GLCCI1: variants seen among roughly 807,000 people sequenced by gnomAD.
GLCCI1 encodes the protein glucocorticoid-induced transcript 1 protein.
GLCCI1 carries 24 observed loss-of-function variants against 52.2 expected under a neutral mutation model. The observed-to-expected ratio is 0.46, with a 90% CI of 0.33 to 0.65. The LOEUF is 0.65. GLCCI1 is among the 30% of genes least tolerant of loss of function. The pLI is 0.02. For synonymous variants in GLCCI1, 310 were observed against 276.5 expected (o/e 1.12, Z -1.20); for missense variants, 704 against 701.5 (o/e 1.00, Z -0.04).
At chr7:7,999,197 A>G (rs1462985348) in intron 1 of GLCCI1, among the ~76,000 whole-genome samples, 1 of 152,094 alleles carries the variant, frequency 6.6e-6, no homozygotes, top group Non-Finnish European at 1.5e-5. Context: ...GATTAAAAAT[A>G]TAATAAAAGA....
chr7:8,000,526 G>C (rs1344722092), intron 1 of GLCCI1, among the ~76,000 whole-genome samples: 1 of 152,002 alleles, frequency 6.6e-6, no homozygotes, highest in African/African-American at 2.4e-5. Context: ...ATAAATATAA[G>C]TGGGATAAGC....
At chr7:8,077,962 C>G (rs574112973) in intron 6 of GLCCI1, among the ~76,000 whole-genome samples, 1 of 151,846 alleles carries the variant, frequency 6.6e-6, no homozygotes, top group Non-Finnish European at 1.5e-5. Context: ...AGGCCGGGCG[C>G]GGTGGCTCAC....
intron 5 of GLCCI1, chr7:8,070,285 A>G (rs1398641135): frequency 6.6e-6 from 1 of 152,234 alleles, no homozygotes; most frequent in East Asian, 1.9e-4. Context: ...GAGTAGTCCT[A>G]CTTAGTTGGA....
chr7:7,992,700 A>G (rs1780865987), intron 1 of GLCCI1, among the ~76,000 whole-genome samples: 1 of 152,064 alleles, frequency 6.6e-6, no homozygotes, highest in Non-Finnish European at 1.5e-5. Context: ...CTCCTGTTAC[A>G]CACACATGTT....
rs2115407015 is a variant in GLCCI1 at position 7,980,572 on chromosome 7, C to T, written c.457+10765C>T. On this transcript the variant is annotated intron_variant, in intron 1 of 7. Coordinates refer to ENST00000223145, the MANE Select transcript of GLCCI1 (RefSeq NM_138426.4). ...AACTGTTGATCCTACAGGGACTGGT[C>T]ATGGAGGAGAGTCTATTTTTGGCCT... is the stretch of plus-strand genomic sequence containing the variant. 8 of 602,172 alleles carry T rather than the reference C, an allele frequency of 1.3e-5. No homozygotes were observed. The South Asian group carries it at 1.5e-4, about 11-fold the overall frequency. The allele number at this position is 602,172 out of a possible 1,614,324, so 37.3% of individuals were successfully genotyped here.
chr7:7,993,465 G>A (rs1780883611), intron 1 of GLCCI1, among the ~76,000 whole-genome samples: 1 of 152,098 alleles, frequency 6.6e-6, no homozygotes, highest in South Asian at 2.1e-4. Flanking sequence ...TAGCCATATT[G>A]CTCTAGTATC....
rs1312956779 is a variant in GLCCI1, at chr7:8,084,997, G to T, written c.1278G>T (p.Val426=). 6.2e-7 allele frequency: 1 copy of T among 1,614,146 alleles called. No homozygotes were observed. The highest frequency in any genetic ancestry group is 8.5e-7 in the Non-Finnish European group (1 of 1,179,996). The change falls in exon 7 of 8, where the codon GTG becomes GTT. Residue 426 remains valine, a synonymous_variant. Transcript: ENST00000223145. ...AGCCCCCAGAGGGATGTGAGCGAGT[G>T]AAGGTCTTTGAGGAAATGGCGTAAG... ...KREPPEGCER[V]KVFEEMASRQ... is the part of the protein sequence containing the mutation.
At chr7:8,022,694 A>C (rs533214746) in intron 3 of GLCCI1, 125 bp downstream of exon 3, 15 of 404,614 alleles carry the variant, frequency 3.7e-5, no homozygotes, top group African/African-American at 2.7e-4. Flanking sequence ...AGGTTAGGAC[A>C]AATTCTAGGG....
chr7:7,972,985 T>G (rs1198437359), intron 1 of GLCCI1, among the ~76,000 whole-genome samples: 15 of 152,170 alleles, frequency 9.9e-5, no homozygotes, highest in Admixed American at 7.2e-4. Flanking sequence ...TTTTTAAAAC[T>G]TCAAGGTTTG....
At chr7:8,083,598 T>G (rs931921447) in intron 6 of GLCCI1, among the ~76,000 whole-genome samples, 1 of 152,184 alleles carries the variant, frequency 6.6e-6, no homozygotes, top group African/African-American at 2.4e-5. Flanking sequence ...CCAAATTTCA[T>G]TCTAAGACTT....
intron 2 of GLCCI1, among the ~76,000 whole-genome samples, chr7:8,015,445 G>A (rs1450347983): frequency 6.6e-6 from 1 of 152,192 alleles, no homozygotes; most frequent in Non-Finnish European, 1.5e-5. Flanking sequence ...TTCATGAAAT[G>A]GAAGCAAGAC....
At position 7,969,541 on chromosome 7, in the gene GLCCI1, T is replaced by C; in HGVS notation, c.191T>C (p.Ile64Thr). The C allele has an allele frequency of 1.1e-6, 1 of 938,724 alleles. No homozygotes were observed. The highest frequency in any genetic ancestry group is 1.3e-6 in the Non-Finnish European group (1 of 790,884). 58.1% of individuals were successfully genotyped at this position (938,724 alleles called of 1,614,324 possible). Residue 64 changes from isoleucine to threonine, a missense_variant, in exon 1 of 8, where the codon ATC becomes ACC. Transcript: ENST00000223145. The surrounding 1 kb of genome is among the most constrained non-coding windows in gnomAD (Gnocchi z 4.9). ...GGAGCCGGCCGGCTGCTGCAGCCCATCCGCGCCACGGTGCCCTACCAGCTC... is the reference window on the plus strand; with the variant it reads ...GGAGCCGGCCGGCTGCTGCAGCCCACCCGCGCCACGGTGCCCTACCAGCTC... ...AAGAGRLLQP[I>T]RATVPYQLLR...
intron 1 of GLCCI1, among the ~76,000 whole-genome samples, chr7:7,974,746 A>G (rs893087955): frequency 6.6e-6 from 1 of 152,174 alleles, no homozygotes; most frequent in African/African-American, 2.4e-5. Context: ...TCTGCCAAAG[A>G]GTATAGTCTA....
At chr7:8,017,279 T>C (rs1028955521) in intron 2 of GLCCI1, among the ~76,000 whole-genome samples, 16 of 152,190 alleles carry the variant, frequency 1.1e-4, no homozygotes, top group Admixed American at 5.2e-4. Flanking sequence ...GTGTTGCTGA[T>C]TTTCTGTCAG....
At chr7:7,974,409 G>A (rs934240361) in intron 1 of GLCCI1, among the ~76,000 whole-genome samples, 8 of 151,994 alleles carry the variant, frequency 5.3e-5, no homozygotes, top group Middle Eastern at 3.2e-3. Context: ...TGTATATATC[G>A]AACTGGAAAT....
intron 3 of GLCCI1, among the ~76,000 whole-genome samples, chr7:8,046,921 A>T (rs1326191485): frequency 6.6e-6 from 1 of 152,154 alleles, no homozygotes; most frequent in African/African-American, 2.4e-5. Context: ...AAATTTCCCA[A>T]GGTTGAAAAT....
At chr7:7,978,954 G>C (rs536472708) in intron 1 of GLCCI1, among the ~76,000 whole-genome samples, 2 of 152,106 alleles carry the variant, frequency 1.3e-5, no homozygotes, top group East Asian at 1.9e-4. Context: ...AATATCTTTC[G>C]AAGTTTTGTA....
chr7:7,982,056 A>C (rs576717662), intron 1 of GLCCI1: 1 of 469,956 alleles, frequency 2.1e-6, no homozygotes, highest in African/African-American at 2.0e-5. Context: ...AAGAGTAAAA[A>C]GAGAGACCGA....
chr7:7,981,392 G>A (rs1187222827), intron 1 of GLCCI1, among the ~76,000 whole-genome samples: 1 of 151,538 alleles, frequency 6.6e-6, no homozygotes, highest in African/African-American at 2.4e-5. Flanking sequence ...GCACGATCTC[G>A]GCTCACTGCA....
Sources: gnomAD v4.1 joint callset for allele counts (sites outside exome capture counted in the v4.1 genomes callset) on GRCh38, gnomAD v4.1.1 for gene constraint, Gnocchi (gnomAD v3.1) non-coding constraint, MANE v1.5 for transcripts, NCBI Gene and HGNC (gene_info 2026-07-23, HGNC 2026-07-21) for gene names.